Variants in METTL15 observed in about 807,000 individuals in gnomAD.
METTL15 encodes methyltransferase 15, mitochondrial 12S rRNA N4-cytidine.
Under a neutral mutation model 38.3 loss-of-function variants are expected in METTL15, and 34 were observed. The observed-to-expected ratio is 0.89, with a 90% CI of 0.68 to 1.18. METTL15 has a LOEUF of 1.18. Among genes scored for constraint, METTL15 ranks in the 50% most tolerant of loss-of-function variants. The pLI is 0.00. For missense variants in METTL15, 438 were observed against 498.4 expected (o/e 0.88, Z 1.15); for synonymous variants, 162 against 170.9 (o/e 0.95, Z 0.41).
chr11:28,311,009 A>T (rs1457336035), intron 6 of METTL15, among the ~76,000 whole-genome samples: 12 of 143,946 alleles, frequency 8.3e-5, no homozygotes, highest in African/African-American at 2.6e-4. Flanking sequence ...TGTGTGAGAG[A>T]GAGAGAGAGA....
intron 5 of METTL15, among the ~76,000 whole-genome samples, chr11:28,383,590 G>GT (rs989472400): frequency 5.9e-5 from 9 of 152,040 alleles, no homozygotes; most frequent in African/African-American, 2.2e-4. Flanking sequence ...CCAGCAGTGT[G>GT]TAAGCATTCC....
chr11:28,449,572 G>A (rs1851102447), intron 6 of METTL15, among the ~76,000 whole-genome samples: 1 of 152,072 alleles, frequency 6.6e-6, no homozygotes, highest in Non-Finnish European at 1.5e-5. Context: ...ATTAACGATG[G>A]CTGCATATTC....
chr11:28,210,784 G>A (rs551636200), intron 3 of METTL15, among the ~76,000 whole-genome samples: 1 of 152,138 alleles, frequency 6.6e-6, no homozygotes, highest in East Asian at 1.9e-4. Flanking sequence ...AGTGTGACCA[G>A]TTTGACCTTA....
chr11:28,200,661 C>T (rs1041135808), intron 3 of METTL15, among the ~76,000 whole-genome samples: 1 of 151,928 alleles, frequency 6.6e-6, no homozygotes, highest in African/African-American at 2.4e-5. Context: ...ATTTTATTCT[C>T]TTTGTAGTGA....
At chr11:28,164,706 A>C (rs1437191660) in intron 3 of METTL15, among the ~76,000 whole-genome samples, 10 of 152,052 alleles carry the variant, frequency 6.6e-5, no homozygotes, top group Admixed American at 6.6e-4. Flanking sequence ...TGAAATATAC[A>C]TTATTATACT....
At chr11:28,197,181 T>G (rs1851939651) in intron 3 of METTL15, among the ~76,000 whole-genome samples, 1 of 151,960 alleles carries the variant, frequency 6.6e-6, no homozygotes, top group Non-Finnish European at 1.5e-5. Flanking sequence ...ACGGTAATTT[T>G]TATTGAATTT....
At chr11:28,258,411 G>A (rs1412563562) in intron 4 of METTL15, among the ~76,000 whole-genome samples, 6 of 152,042 alleles carry the variant, frequency 3.9e-5, no homozygotes, top group Admixed American at 3.9e-4. Flanking sequence ...CAGGCCCTGA[G>A]GCTCAACAGT....
chr11:28,507,691 T>C (rs1462360186), intron 6 of METTL15, among the ~76,000 whole-genome samples: 2 of 152,186 alleles, frequency 1.3e-5, no homozygotes, highest in African/African-American at 4.8e-5. Context: ...CAGATGTGCT[T>C]AGTTTCCAGT....
chr11:28,169,105 G>T (rs1266271453), intron 3 of METTL15, among the ~76,000 whole-genome samples: 1 of 152,188 alleles, frequency 6.6e-6, no homozygotes, highest in Non-Finnish European at 1.5e-5. Flanking sequence ...GAGACTGGTA[G>T]AGAAAACTGA....
intron 4 of METTL15, among the ~76,000 whole-genome samples, chr11:28,354,402 A>C (rs9787909): frequency 0.17 from 26,587 of 152,154 alleles, 2,498 homozygotes; most frequent in South Asian, 0.31. Flanking sequence ...CTTAACTGCT[A>C]ATCTATAGAA....
At chr11:28,282,691 A>C (rs1856100625) in intron 4 of METTL15, among the ~76,000 whole-genome samples, 1 of 152,176 alleles carries the variant, frequency 6.6e-6, no homozygotes, top group Non-Finnish European at 1.5e-5. Flanking sequence ...CTTTGAAACA[A>C]GACCACTCTT....
chr11:28,428,495 A>G (rs954534955), intron 6 of METTL15, among the ~76,000 whole-genome samples: 1 of 152,198 alleles, frequency 6.6e-6, no homozygotes, highest in African/African-American at 2.4e-5. Flanking sequence ...ACTTAGTTCT[A>G]TGTGGTTATA....
At chr11:28,437,235 G>A (rs1253967451) in intron 6 of METTL15, among the ~76,000 whole-genome samples, 1 of 152,114 alleles carries the variant, frequency 6.6e-6, no homozygotes. Flanking sequence ...CCTATTGTGG[G>A]ACTTCACCTT....
intron 6 of METTL15, among the ~76,000 whole-genome samples, chr11:28,299,331 T>A (rs1053044864): frequency 7.2e-5 from 11 of 152,224 alleles, no homozygotes; most frequent in Non-Finnish European, 1.3e-4. Context: ...TAGTCTTTTA[T>A]AATTGCCTCA....
At position 28,511,828 on chromosome 11, in the gene METTL15, G is replaced by A. The variant is rs572134749; in HGVS notation, c.*425-14650G>A. ...CCACAGTGTGGAAGGGGACTAGAAC[G>A]GGTTGCCACTGATGGCTCTGGCAGC... On this transcript the variant is annotated intron_variant and NMD_transcript_variant, in intron 6 of 7. Transcript: ENST00000532947. Among the ~76,000 whole-genome samples, 56 of 152,302 alleles carry A rather than the reference G, an allele frequency of 3.7e-4. 1 individual carries two copies. The South Asian group carries it at 9.3e-3, about 25-fold the overall frequency.
intron 6 of METTL15, among the ~76,000 whole-genome samples, chr11:28,427,418 C>T (rs1019983910): frequency 1.3e-5 from 2 of 151,920 alleles, no homozygotes; most frequent in Admixed American, 6.6e-5. Flanking sequence ...GCTCTCTGGG[C>T]TTTTTTTGGT....
At chr11:28,413,654 G>A (rs1176229031) in intron 5 of METTL15, among the ~76,000 whole-genome samples, 1 of 152,136 alleles carries the variant, frequency 6.6e-6, no homozygotes, top group Non-Finnish European at 1.5e-5. Flanking sequence ...TGGATTGAAG[G>A]AATAGGAGGC....
At chr11:28,370,209 C>A (rs1487088938) in intron 5 of METTL15, among the ~76,000 whole-genome samples, 1 of 151,950 alleles carries the variant, frequency 6.6e-6, no homozygotes, top group Non-Finnish European at 1.5e-5. Flanking sequence ...CACACTTCAT[C>A]CCCCCATCTC....
At chr11:28,340,147 ATGT>A (rs1849937096) in intron 3 of METTL15, among the ~76,000 whole-genome samples, 1 of 152,118 alleles carries the variant, frequency 6.6e-6, no homozygotes, top group African/African-American at 2.4e-5. Context: ...TTCTGTCAAA[ATGT>A]TGGAATCATT....
Sources: gnomAD v4.1 joint callset for allele counts (sites outside exome capture counted in the v4.1 genomes callset) on GRCh38, gnomAD v4.1.1 for gene constraint, MANE v1.5 for transcripts, NCBI Gene and HGNC (gene_info 2026-07-23, HGNC 2026-07-21) for gene names.